The following METTL15 variants were observed in gnomAD, a reference collection of about 807,000 sequenced individuals.
METTL15 encodes the protein methyltransferase 15, mitochondrial 12S rRNA N4-cytidine, also known as 12S rRNA N(4)-cytidine methyltransferase METTL15.
A neutral mutation model predicts 38.3 loss-of-function variants in METTL15; 34 were observed. The ratio of observed to expected loss-of-function variants is 0.89; its 90% CI spans 0.68 to 1.18. The LOEUF is 1.18. METTL15 is among the 50% of genes most tolerant of loss of function. The probability of loss-of-function intolerance (pLI) is 0.00; values close to 1 mark genes in which losing one functional copy is unlikely to be tolerated. For missense variants in METTL15, 438 were observed against 498.4 expected (o/e 0.88, Z 1.15); for synonymous variants, 162 against 170.9 (o/e 0.95, Z 0.41).
chr11:28,478,812 G>A (rs954002450), intron 6 of METTL15, among the ~76,000 whole-genome samples: 1 of 152,102 alleles, frequency 6.6e-6, no homozygotes, highest in African/African-American at 2.4e-5. Flanking sequence ...AGGTTCCAAG[G>A]GGCCATAAGT....
At position 28,468,219 on chromosome 11, in the gene METTL15, G is replaced by A. The variant is rs914553122; in HGVS notation, c.*424+43855G>A. 3.9e-5 allele frequency among the ~76,000 whole-genome samples: 6 copies of A among 152,220 alleles called. No individual in the cohort carries two copies. In the East Asian group the frequency reaches 1.2e-3, roughly 29 times the overall value. ...TTCTTTTATCTTAATTTCTTAGTCTGTAAAATGAGGAAATTAAACTACATG... is the reference window on the plus strand; with the variant it reads ...TTCTTTTATCTTAATTTCTTAGTCTATAAAATGAGGAAATTAAACTACATG... On this transcript the variant is annotated intron_variant and NMD_transcript_variant, in intron 6 of 7. Transcript: ENST00000532947.
chr11:28,439,083 G>T (rs2133438874), intron 6 of METTL15, among the ~76,000 whole-genome samples: 1 of 151,886 alleles, frequency 6.6e-6, no homozygotes, highest in East Asian at 1.9e-4. Flanking sequence ...AGCAGAGGCA[G>T]AAAAGTGGAA....
At chr11:28,485,653 C>T (rs1424758780) in intron 6 of METTL15, among the ~76,000 whole-genome samples, 1 of 152,124 alleles carries the variant, frequency 6.6e-6, no homozygotes, top group Non-Finnish European at 1.5e-5. Context: ...TTATTGAGAA[C>T]TTAATATGTG....
At position 28,172,415 on chromosome 11, in the gene METTL15, G is replaced by A. The variant is rs533152101; in HGVS notation, c.271-38647G>A. 2.6e-5 allele frequency among the ~76,000 whole-genome samples: 4 copies of A among 152,142 alleles called. No individual in the cohort carries two copies. In the East Asian group the frequency reaches 5.8e-4, roughly 22 times the overall value. On this transcript the variant is annotated intron_variant, in intron 3 of 6. Transcript: ENST00000407364. ...ACTTAGCTTCAAAAGCATCACAGCA[G>A]CTATAGCTCAGGTTACTAATTTGAT...
intron 4 of METTL15, among the ~76,000 whole-genome samples, chr11:28,216,131 T>C (rs1852857359): frequency 6.6e-6 from 1 of 152,144 alleles, no homozygotes; most frequent in African/African-American, 2.4e-5. Flanking sequence ...CTTTGTTTTT[T>C]AGATTTGGAT....
chr11:28,361,734 A>G (rs373172296), intron 4 of METTL15, among the ~76,000 whole-genome samples: 5 of 152,212 alleles, frequency 3.3e-5, no homozygotes, highest in African/African-American at 1.2e-4. Flanking sequence ...AATATCGGTA[A>G]AAACTACCAA....
intron 3 of METTL15, among the ~76,000 whole-genome samples, chr11:28,146,959 A>G (rs1487523905): frequency 6.6e-6 from 1 of 151,934 alleles, no homozygotes; most frequent in Non-Finnish European, 1.5e-5. Context: ...TTTTGCAAAG[A>G]GGGATTGATT....
rs187893637 is a variant in METTL15 at position 28,165,306 on chromosome 11, G to A, written c.271-45756G>A. Among the ~76,000 whole-genome samples, 737 of 152,004 alleles carry A rather than the reference G, an allele frequency of 4.8e-3. 3 individuals are homozygous for A. The highest frequency in any genetic ancestry group is 8.4e-3 in the Non-Finnish European group (571 of 67,936). On this transcript the variant is annotated intron_variant, in intron 3 of 6. Transcript: ENST00000407364. ...TTAATTTATCTTCCCACCAACAAAG[G>A]GCAAGGATTATTATTTCCACATCCT...
intron 5 of METTL15, among the ~76,000 whole-genome samples, chr11:28,401,907 C>CAAAA (rs1850634048): frequency 6.6e-6 from 1 of 151,974 alleles, no homozygotes; most frequent in Non-Finnish European, 1.5e-5. Flanking sequence ...TGTTAAGCTA[C>CAAAA]AAAAGTGTAC....
chr11:28,361,436 C>T (rs1407527080), intron 4 of METTL15, among the ~76,000 whole-genome samples: 1 of 152,128 alleles, frequency 6.6e-6, no homozygotes, highest in South Asian at 2.1e-4. Flanking sequence ...ACTGTCATTT[C>T]AGTTATTTGA....
At chr11:28,364,100 G>T (rs1387498544) in intron 5 of METTL15, among the ~76,000 whole-genome samples, 1 of 152,140 alleles carries the variant, frequency 6.6e-6, no homozygotes, top group African/African-American at 2.4e-5. Flanking sequence ...AATATAGCTT[G>T]CAGTCAGGCA....
At chr11:28,244,917 T>C (rs1854448083) in intron 4 of METTL15, among the ~76,000 whole-genome samples, 1 of 152,196 alleles carries the variant, frequency 6.6e-6, no homozygotes, top group Admixed American at 6.5e-5. Flanking sequence ...TCTGATATTT[T>C]GGTAATATCT....
intron 4 of METTL15, among the ~76,000 whole-genome samples, chr11:28,217,039 T>C (rs1348804172): frequency 1.3e-5 from 2 of 152,102 alleles, no homozygotes; most frequent in African/African-American, 2.4e-5. Context: ...CATGTGTCTT[T>C]ATAGCAGCAT....
At chr11:28,184,806 G>T (rs1316171828) in intron 3 of METTL15, among the ~76,000 whole-genome samples, 1 of 151,404 alleles carries the variant, frequency 6.6e-6, no homozygotes, top group Non-Finnish European at 1.5e-5. Context: ...AGTTAAAAAT[G>T]AAAAATAAAG....
chr11:28,165,414 T>G (rs1158815355), intron 3 of METTL15, among the ~76,000 whole-genome samples: 1 of 152,154 alleles, frequency 6.6e-6, no homozygotes, highest in Non-Finnish European at 1.5e-5. Context: ...AATTTGCATT[T>G]CCCTGATGAT....
intron 6 of METTL15, among the ~76,000 whole-genome samples, chr11:28,513,412 T>G (rs192830665): frequency 4.5e-4 from 69 of 152,234 alleles, no homozygotes; most frequent in African/African-American, 1.6e-3. Context: ...AGCAGTAAAA[T>G]GGGGATGATT....
intron 3 of METTL15, among the ~76,000 whole-genome samples, chr11:28,198,885 G>A (rs1852003234): frequency 6.6e-6 from 1 of 152,018 alleles, no homozygotes; most frequent in African/African-American, 2.4e-5. Flanking sequence ...AGAGAAGTCA[G>A]TAATATAGTC....
At chr11:28,478,120 T>C (rs1347322821) in intron 6 of METTL15, among the ~76,000 whole-genome samples, 2 of 152,192 alleles carry the variant, frequency 1.3e-5, no homozygotes, top group African/African-American at 2.4e-5. Flanking sequence ...TTTAGACCTA[T>C]GTCCATGATC....
At chr11:28,422,011 A>G (rs1236977511) in intron 5 of METTL15, among the ~76,000 whole-genome samples, 1 of 152,116 alleles carries the variant, frequency 6.6e-6, no homozygotes, top group Non-Finnish European at 1.5e-5. Flanking sequence ...CAAAATCAGC[A>G]TACAAAAATC....
Sources: gnomAD v4.1 joint callset for allele counts (sites outside exome capture counted in the v4.1 genomes callset) on GRCh38, gnomAD v4.1.1 for gene constraint, MANE v1.5 for transcripts, NCBI Gene and HGNC (gene_info 2026-07-23, HGNC 2026-07-21) for gene names.